CTNND2: variants seen among roughly 807,000 people sequenced by gnomAD.
CTNND2 encodes catenin delta 2.
In CTNND2, 22 loss-of-function variants were observed where a neutral mutation model predicts 144.4. The ratio of observed to expected loss-of-function variants is 0.15; its 90% CI spans 0.11 to 0.22. The LOEUF is 0.22. Among genes scored for constraint, CTNND2 ranks in the 10% least tolerant of loss-of-function variants. The pLI is 1.00. For synonymous variants in CTNND2, 751 were observed against 695.6 expected (o/e 1.08, Z -1.25); for missense variants, 1,353 against 1,618.8 (o/e 0.84, Z 2.82).
rs1459662474 is a variant in CTNND2 at position 11,384,633 on chromosome 5, G to A, written c.1177+32C>T. The A allele has an allele frequency of 1.3e-6, 2 of 1,576,212 alleles. No individual in the cohort carries two copies. Among genetic ancestry groups the A allele is most frequent in the Non-Finnish European group, 1.7e-6 (2 of 1,167,628 alleles). On this transcript the variant is annotated intron_variant, in intron 7 of 21. Coordinates refer to ENST00000304623, the MANE Select transcript of CTNND2 (RefSeq NM_001332.4). The surrounding 1 kb of genome is among the most constrained non-coding windows in gnomAD (Gnocchi z 5.2). ...TTCCGCGTCCCCGCCACGCGCCCAG[G>A]TGAGTCGCGCCAGGTGGCAGCGAGC... is the stretch of plus-strand genomic sequence containing the variant.
At chr5:11,447,104 G>A (rs1764884798) in intron 3 of CTNND2, among the ~76,000 whole-genome samples, 1 of 152,130 alleles carries the variant, frequency 6.6e-6, no homozygotes. Flanking sequence ...TATCTGTCAG[G>A]CGGCTAAGGC....
At chr5:11,416,507 C>T (rs1156235478) in intron 3 of CTNND2, among the ~76,000 whole-genome samples, 2 of 152,136 alleles carry the variant, frequency 1.3e-5, no homozygotes, top group Admixed American at 6.5e-5. Context: ...CCTTTAAGTG[C>T]ACACTTTAAT....
At chr5:11,724,738 A>G (rs1289769516) in intron 2 of CTNND2, among the ~76,000 whole-genome samples, 1 of 152,184 alleles carries the variant, frequency 6.6e-6, no homozygotes, top group African/African-American at 2.4e-5. Context: ...TCCTATAAAA[A>G]CTATGGACTA....
chr5:11,803,024 A>G (rs2126891174), intron 1 of CTNND2, among the ~76,000 whole-genome samples: 1 of 152,300 alleles, frequency 6.6e-6, no homozygotes, highest in African/African-American at 2.4e-5. Context: ...CCTTTAAACC[A>G]TATTAAGAAG....
At chr5:11,645,514 G>A (rs1472461636) in intron 2 of CTNND2, among the ~76,000 whole-genome samples, 1 of 152,102 alleles carries the variant, frequency 6.6e-6, no homozygotes, top group Non-Finnish European at 1.5e-5. Context: ...ATACGTGAAT[G>A]ATTCCTTATC....
chr5:11,329,981 C>A (rs1580924038), intron 9 of CTNND2, among the ~76,000 whole-genome samples: 1 of 152,140 alleles, frequency 6.6e-6, no homozygotes, highest in East Asian at 1.9e-4. Flanking sequence ...TCCTTGTAGT[C>A]TGTAAGTGAT....
At chr5:11,242,197 T>C (rs1321814207) in intron 9 of CTNND2, among the ~76,000 whole-genome samples, 1 of 152,210 alleles carries the variant, frequency 6.6e-6, no homozygotes, top group Non-Finnish European at 1.5e-5. Context: ...TCTCCAGTAA[T>C]AACGTGAGCG....
At chr5:11,526,356 A>G (rs1245934077) in intron 3 of CTNND2, among the ~76,000 whole-genome samples, 2 of 152,014 alleles carry the variant, frequency 1.3e-5, no homozygotes, top group African/African-American at 4.8e-5. Flanking sequence ...GTTTATACCA[A>G]CTCGCCTATG....
chr5:11,419,046 AGACATC>A (rs1320070778), intron 3 of CTNND2, among the ~76,000 whole-genome samples: 1 of 136,680 alleles, frequency 7.3e-6, no homozygotes, highest in Non-Finnish European at 1.5e-5. Flanking sequence ...ATATATAGAT[AGACATC>A]TATATAGATA....
intron 3 of CTNND2, among the ~76,000 whole-genome samples, chr5:11,437,083 G>T (rs544181295): frequency 6.6e-6 from 1 of 152,020 alleles, no homozygotes; most frequent in African/African-American, 2.4e-5. Context: ...ATGCTTTTTC[G>T]GCATATGCAT....
rs1011900456 is a variant in CTNND2, at chr5:11,747,994, G to A, written c.38-15722C>T. Among the ~76,000 whole-genome samples, 3 of 152,004 alleles carry A rather than the reference G, an allele frequency of 2.0e-5. No individual in the cohort carries two copies. The South Asian group carries it at 6.2e-4, about 32-fold the overall frequency. On this transcript the variant is annotated intron_variant, in intron 1 of 21. Transcript: ENST00000304623. ...TAGTTTTTCCAGAATTGCTATCAAT[G>A]GGCAGTCAAGCACAAAAAATCTCAC...
intron 9 of CTNND2, among the ~76,000 whole-genome samples, chr5:11,308,671 C>T (rs1319217849): frequency 1.3e-5 from 2 of 152,206 alleles, no homozygotes; most frequent in Admixed American, 6.5e-5. Context: ...AACTTACCTT[C>T]GTTCAGGGCA....
At chr5:11,806,809 T>C (rs1211650455) in intron 1 of CTNND2, among the ~76,000 whole-genome samples, 2 of 152,042 alleles carry the variant, frequency 1.3e-5, no homozygotes, top group African/African-American at 4.8e-5. Context: ...ATTTTGATGA[T>C]CATGAATAAT....
chr5:11,225,501 C>G (rs1740229827), intron 10 of CTNND2, among the ~76,000 whole-genome samples: 1 of 152,198 alleles, frequency 6.6e-6, no homozygotes, highest in Non-Finnish European at 1.5e-5. Flanking sequence ...TCTTCCTCTT[C>G]TTTTATATCA....
At chr5:11,888,005 G>T (rs1242520499) in intron 1 of CTNND2, among the ~76,000 whole-genome samples, 1 of 152,032 alleles carries the variant, frequency 6.6e-6, no homozygotes, top group Non-Finnish European at 1.5e-5. Flanking sequence ...CATATCCTTG[G>T]ATGCTAAATT....
intron 10 of CTNND2, among the ~76,000 whole-genome samples, chr5:11,202,914 C>T (rs1397285188): frequency 2.0e-5 from 3 of 152,170 alleles, no homozygotes; most frequent in Non-Finnish European, 4.4e-5. Context: ...AAGCAATTCT[C>T]CTTTCTCAGC....
At chr5:11,162,735 T>A (rs1758896310) in intron 11 of CTNND2, among the ~76,000 whole-genome samples, 1 of 152,038 alleles carries the variant, frequency 6.6e-6, no homozygotes, top group South Asian at 2.1e-4. Flanking sequence ...CATGGGGTCG[T>A]CAAAATTTTG....
rs532119757 is a variant in CTNND2 at position 11,738,418 on chromosome 5, C to G, written c.38-6146G>C. On this transcript the variant is annotated intron_variant, in intron 1 of 21. Coordinates refer to ENST00000304623, the MANE Select transcript of CTNND2 (RefSeq NM_001332.4). ...ATAGGTAATAAGATGTTATGATGTC[C>G]AAATGAATAGTCTAAACTTTTCTTT... is the stretch of plus-strand genomic sequence containing the variant. Among the ~76,000 whole-genome samples, 91 of 152,248 alleles carry G rather than the reference C, an allele frequency of 6.0e-4. 1 individual carries two copies. The highest frequency in any genetic ancestry group is 2.0e-3 in the Admixed American group (30 of 15,292).
chr5:11,402,317 T>A (rs1760712078), intron 5 of CTNND2, among the ~76,000 whole-genome samples: 1 of 152,134 alleles, frequency 6.6e-6, no homozygotes, highest in Non-Finnish European at 1.5e-5. Flanking sequence ...TAAGTAAGAA[T>A]AAAGGAAACA....
Sources: allele counts gnomAD v4.1 joint callset (sites outside exome capture counted in the v4.1 genomes callset), GRCh38; gene constraint gnomAD v4.1.1; non-coding constraint Gnocchi (gnomAD v3.1); transcripts MANE v1.5; gene names NCBI Gene and HGNC (gene_info 2026-07-23, HGNC 2026-07-21).